Variants in RASAL2 observed in about 807,000 individuals in gnomAD.
The protein encoded by RASAL2 is ras GTPase-activating protein nGAP.
RASAL2 carries 58 observed loss-of-function variants against 128.9 expected under a neutral mutation model. The ratio of observed to expected loss-of-function variants is 0.45; its 90% confidence interval spans 0.36 to 0.56. The LOEUF (loss-of-function observed/expected upper bound fraction) is 0.56, where lower values mean the gene tolerates loss of function less well. Ranked by LOEUF, RASAL2 falls within the 20% of genes least tolerant of loss-of-function variation. The pLI, the probability that RASAL2 is intolerant of heterozygous loss-of-function variation, is 0.00. For missense variants in RASAL2, 1,360 were observed against 1,601.6 expected (o/e 0.85, Z 2.57); for synonymous variants, 561 against 580.8 (o/e 0.97, Z 0.49).
At chr1:178,312,151 C>T (rs922977659) in intron 3 of RASAL2, among the ~76,000 whole-genome samples, 1 of 151,796 alleles carries the variant, frequency 6.6e-6, no homozygotes, top group Non-Finnish European at 1.5e-5. Flanking sequence ...GGAGCAAAAC[C>T]CTAGCAAAAT....
At chr1:178,452,970 TAA>T (rs1677492661) in intron 11 of RASAL2, among the ~76,000 whole-genome samples, 1 of 151,970 alleles carries the variant, frequency 6.6e-6, no homozygotes, top group Non-Finnish European at 1.5e-5. Context: ...AAGGGCAGAA[TAA>T]AAAGTGGTAT....
chr1:178,410,690 C>A (rs1674305870), intron 4 of RASAL2, among the ~76,000 whole-genome samples: 3 of 151,712 alleles, frequency 2.0e-5, no homozygotes, highest in Non-Finnish European at 4.4e-5. Flanking sequence ...AACAGATAAT[C>A]CCGTCAAAAA....
intron 1 of RASAL2, among the ~76,000 whole-genome samples, chr1:178,236,756 C>CTTTTTTTT (rs549848632): frequency 8.4e-6 from 1 of 118,428 alleles, no homozygotes; most frequent in African/African-American, 3.3e-5. Context: ...TTGGACACTA[C>CTTTTTTTT]TTTTTTTTTT....
intron 5 of RASAL2, among the ~76,000 whole-genome samples, chr1:178,424,710 C>T (rs1157664635): frequency 1.3e-5 from 2 of 152,106 alleles, no homozygotes; most frequent in African/African-American, 4.8e-5. Flanking sequence ...GATTTGCCCA[C>T]CCTGGCCTCC....
At chr1:178,147,526 ACAGTAAAG>A (rs1383646399) in intron 1 of RASAL2, among the ~76,000 whole-genome samples, 2 of 151,906 alleles carry the variant, frequency 1.3e-5, no homozygotes, top group African/African-American at 2.4e-5. Flanking sequence ...GTTTATATAA[ACAGTAAAG>A]CAGTAAAGTG....
intron 1 of RASAL2, among the ~76,000 whole-genome samples, chr1:178,158,111 A>C (rs556617277): frequency 6.6e-6 from 1 of 152,244 alleles, no homozygotes; most frequent in Non-Finnish European, 1.5e-5. Context: ...AGGCAGGTAT[A>C]TACTTGATTG....
intron 3 of RASAL2, among the ~76,000 whole-genome samples, chr1:178,311,114 A>G (rs1435167430): frequency 1.3e-5 from 2 of 152,222 alleles, no homozygotes; most frequent in African/African-American, 4.8e-5. Flanking sequence ...GAGGAGATGA[A>G]TGGCAGATTG....
At chr1:178,296,026 A>G (rs1232588059) in intron 2 of RASAL2, among the ~76,000 whole-genome samples, 1 of 151,992 alleles carries the variant, frequency 6.6e-6, no homozygotes, top group Non-Finnish European at 1.5e-5. Context: ...AGTTTTACAG[A>G]AAATATGTGT....
At chr1:178,376,746 T>C (rs1337167722) in intron 3 of RASAL2, among the ~76,000 whole-genome samples, 1 of 152,160 alleles carries the variant, frequency 6.6e-6, no homozygotes, top group Non-Finnish European at 1.5e-5. Context: ...GATAAGGATC[T>C]TCTCTTAATA....
At chr1:178,377,736 G>C (rs369341097) in intron 3 of RASAL2, among the ~76,000 whole-genome samples, 1 of 152,034 alleles carries the variant, frequency 6.6e-6, no homozygotes, top group Non-Finnish European at 1.5e-5. Flanking sequence ...AATCACAGTC[G>C]TGATAAGGTA....
rs201887742 is a variant in RASAL2, at chr1:178,458,113, A to G, written c.2821A>G (p.Ile941Val). 8 of 1,614,086 alleles carry G rather than the reference A, an allele frequency of 5.0e-6. No individual in the cohort carries two copies. Among genetic ancestry groups the G allele is most frequent in the African/African-American group, 1.3e-5 (1 of 74,922 alleles). ...NPIPAMPKAS[I>V]DSSLENLSTA... ...AATTCCAGCAATGCCAAAGGCCTCT[A>G]TAGATTCCAGTTTGGAGAACCTAAG... Residue 941 changes from isoleucine (I) to valine (V), a missense_variant, in exon 14 of 18, where the codon ATA becomes GTA. Around this residue, in one of 3 missense-constraint regions of RASAL2, gnomAD observed 741 missense variants for 868.6 expected, o/e 0.85. Transcript: ENST00000367649.
chr1:178,449,222 A>G (rs1264942409), intron 9 of RASAL2, among the ~76,000 whole-genome samples: 1 of 152,128 alleles, frequency 6.6e-6, no homozygotes, highest in African/African-American at 2.4e-5. Flanking sequence ...CTTTCTGCAC[A>G]GACTCTGCAT....
chr1:178,306,927 G>C (rs908167335), intron 3 of RASAL2, among the ~76,000 whole-genome samples: 1 of 151,194 alleles, frequency 6.6e-6, no homozygotes, highest in Non-Finnish European at 1.5e-5. Context: ...TGATAAGTTA[G>C]TGGGTGCAGT....
Position 178,142,313 on chromosome 1 carries a change from T to G in RASAL2, c.202+47619T>G, listed in dbSNP as rs941673866. 7.9e-5 allele frequency among the ~76,000 whole-genome samples: 12 copies of G among 152,154 alleles called. No homozygotes were observed. The South Asian group carries it at 8.3e-4, about 11-fold the overall frequency. On this transcript the variant is annotated intron_variant, in intron 1 of 17. Transcript: ENST00000367649. Reference sequence around the variant, plus strand: ...CCAGGATGTGTCTAGGGATGGGAAGTTAGAGGGAAGGGACTTGACTAATAC... The same window carrying G: ...CCAGGATGTGTCTAGGGATGGGAAGGTAGAGGGAAGGGACTTGACTAATAC...
intron 1 of RASAL2, among the ~76,000 whole-genome samples, chr1:178,186,025 T>G (rs1662279180): frequency 6.6e-6 from 1 of 152,132 alleles, no homozygotes; most frequent in Non-Finnish European, 1.5e-5. Flanking sequence ...GGTACTTTGT[T>G]TTTTGAAAGT....
intron 3 of RASAL2, among the ~76,000 whole-genome samples, chr1:178,386,755 T>C (rs189670904): frequency 1.4e-3 from 206 of 152,314 alleles, no homozygotes; most frequent in African/African-American, 4.8e-3. Flanking sequence ...TAATTAAATA[T>C]TGTAACTATG....
chr1:178,241,491 A>G (rs997109337), intron 1 of RASAL2, among the ~76,000 whole-genome samples: 1 of 152,154 alleles, frequency 6.6e-6, no homozygotes, highest in Non-Finnish European at 1.5e-5. Context: ...TCATCTTTTA[A>G]GGCAGCTGTG....
intron 3 of RASAL2, among the ~76,000 whole-genome samples, chr1:178,345,150 A>G (rs919489342): frequency 6.6e-6 from 1 of 152,228 alleles, no homozygotes; most frequent in African/African-American, 2.4e-5. Flanking sequence ...AGAGGGAACC[A>G]TTGAGGAGAT....
chr1:178,206,087 T>C (rs553867067), intron 1 of RASAL2, among the ~76,000 whole-genome samples: 2 of 152,248 alleles, frequency 1.3e-5, no homozygotes, highest in Admixed American at 1.3e-4. Flanking sequence ...AAATAGAGAA[T>C]TCTTTTTGGT....
Sources: allele counts gnomAD v4.1 joint callset (sites outside exome capture counted in the v4.1 genomes callset), GRCh38; gene constraint gnomAD v4.1.1; regional missense constraint gnomAD v4.1.1; transcripts MANE v1.5; gene names NCBI Gene and HGNC (gene_info 2026-07-23, HGNC 2026-07-21).